Variants in SAMD11 observed in about 807,000 individuals in gnomAD.
The protein encoded by SAMD11 is sterile alpha motif domain-containing protein 11.
A neutral mutation model predicts 64.4 loss-of-function variants in SAMD11; 77 were observed. The observed-to-expected ratio is 1.20, with a 90% CI of 0.99 to 1.44. The LOEUF (loss-of-function observed/expected upper bound fraction) is 1.44, where lower values mean the gene tolerates loss of function less well. SAMD11 is among the 40% of genes most tolerant of loss of function. SAMD11 has a pLI of 0.00. For synonymous variants in SAMD11, 658 were observed against 421.9 expected (o/e 1.56, Z -6.86); for missense variants, 1,402 against 943.3 (o/e 1.49, Z -6.37).
At chr1:933,179 G>A (rs1026792346) in intron 4 of SAMD11, among the ~76,000 whole-genome samples, 5 of 152,246 alleles carry the variant, frequency 3.3e-5, no homozygotes, top group African/African-American at 1.2e-4. Context: ...AGGACCATGC[G>A]CTGATGTGCC....
intron 2 of SAMD11, among the ~76,000 whole-genome samples, chr1:928,114 C>T (rs1640980153): frequency 6.6e-6 from 1 of 152,192 alleles, no homozygotes; most frequent in Non-Finnish European, 1.5e-5. Context: ...AGGTGGGAGG[C>T]CGGGTGTGGT....
intron 9 of SAMD11, 41 bp from the exon 10 acceptor site, chr1:942,369 C>G: frequency 8.0e-7 from 1 of 1,256,522 alleles, no homozygotes; most frequent in South Asian, 1.5e-5. Context: ...GCTCGGACCG[C>G]CTCGGACCCC....
chr1:934,132 TG>T (rs1473928582), intron 4 of SAMD11, among the ~76,000 whole-genome samples: 29 of 188 alleles, frequency 0.15, 12 homozygotes, highest in South Asian at 1. Context: ...GGGAGGCGGC[TG>T]CGTTACAGGT....
intron 4 of SAMD11, 41 bp downstream of exon 4, chr1:931,130 T>TCCCC (rs1193873993): frequency 1.5e-6 from 2 of 1,323,912 alleles, no homozygotes; most frequent in Non-Finnish European, 2.1e-6. Context: ...GGGCCGTGAC[T>TCCCC]CCCCTCCCTC....
rs933514781 is a variant in SAMD11 at position 940,994 on chromosome 1, C to T, written c.1196-150C>T. 7.9e-5 allele frequency: 47 copies of T among 593,126 alleles called. No individual in the cohort carries two copies. In the Admixed American group the frequency reaches 9.9e-4, roughly 13 times the overall value. 36.7% of individuals were successfully genotyped at this position (593,126 alleles called of 1,614,324 possible). ...CCGTCTCGGCCCTGTGGCCGCCCAT[C>T]CTCCTGCCCCGTGCCCGAGACCAGC... On this transcript the variant is annotated intron_variant, in intron 7 of 13. Coordinates refer to ENST00000616016, the MANE Select transcript of SAMD11 (RefSeq NM_001385641.1).
rs1459040317 is a variant in SAMD11 at position 943,065 on chromosome 1, A to G, written c.2053+7A>G. The G allele has an allele frequency of 6.5e-7, 1 of 1,534,552 alleles. No individual in the cohort carries two copies. Among genetic ancestry groups the G allele is most frequent in the Non-Finnish European group, 8.8e-7 (1 of 1,141,552 alleles). ...AGCCCCTACTTCCACACAGGTGGGC[A>G]CCCCCACACTCTAGATCCTTCCAGA... On this transcript the variant is annotated splice_region_variant and intron_variant, in intron 11 of 13. Coordinates refer to ENST00000616016, the MANE Select transcript of SAMD11 (RefSeq NM_001385641.1).
At chr1:930,101 C>T (rs1641100054) in intron 2 of SAMD11, 54 bp from the exon 3 acceptor site, 4 of 1,515,590 alleles carry the variant, frequency 2.6e-6, no homozygotes, top group East Asian at 2.5e-5. Flanking sequence ...TCCTCTCCTC[C>T]TGCCCCACCT....
At chr1:936,985 T>G (rs1048205418) in intron 5 of SAMD11, among the ~76,000 whole-genome samples, 79 of 151,952 alleles carry the variant, frequency 5.2e-4, no homozygotes, top group Non-Finnish European at 9.3e-4. Flanking sequence ...TCCTGTGGGG[T>G]GCACGTGATG....
chr1:925,992 C>T lies in SAMD11; in HGVS notation c.588C>T (p.Gly196=). Residue 196 remains glycine, a synonymous_variant, in exon 2 of 14, where the codon GGC becomes GGT. Coordinates refer to ENST00000616016, the MANE Select transcript of SAMD11 (RefSeq NM_001385641.1). ...QVHPPICDCP[G]CRISSPVNRG... ...ATCCTCCGATCTGCGACTGCCCGGG[C>T]TGCCGAATATCCTCCCCGGTGGTGA... is the stretch of plus-strand genomic sequence containing the variant. 6.2e-7 allele frequency: 1 copy of T among 1,612,032 alleles called. No homozygotes were observed. The highest frequency in any genetic ancestry group is 8.5e-7 in the Non-Finnish European group (1 of 1,179,934).
intron 4 of SAMD11, among the ~76,000 whole-genome samples, 197 bp downstream of exon 4, chr1:931,286 T>A (rs1486035977): frequency 1.3e-5 from 2 of 152,194 alleles, no homozygotes; most frequent in Admixed American, 1.3e-4. Flanking sequence ...TTGCACCCAG[T>A]TGGGACTGAG....
chr1:930,217 G>A lies in SAMD11; in HGVS notation c.672G>A (p.Lys224=). 3 of 1,584,882 alleles carry A rather than the reference G, an allele frequency of 1.9e-6. No individual in the cohort carries two copies. The highest frequency in any genetic ancestry group is 2.6e-6 in the Non-Finnish European group (3 of 1,165,826). ...VALPAARNLK[K]ERTPSFSASD... Reference sequence around the variant, plus strand: ...TGCCTGCCGCCCGGAACCTGAAGAAGGAGCGAACTCCCAGCTTCTCTGCCA... The same window carrying A: ...TGCCTGCCGCCCGGAACCTGAAGAAAGAGCGAACTCCCAGCTTCTCTGCCA... Residue 224 remains lysine, a synonymous_variant, in exon 3 of 14, where the codon AAG becomes AAA. Transcript: ENST00000616016.
intron 7 of SAMD11, among the ~76,000 whole-genome samples, chr1:939,659 T>G (rs1641644143): frequency 6.6e-6 from 1 of 151,960 alleles, no homozygotes; most frequent in African/African-American, 2.4e-5. Context: ...TAGCTCACAT[T>G]TTATATAGAG....
intron 1 of SAMD11, among the ~76,000 whole-genome samples, chr1:925,472 G>A (rs1640836856): frequency 6.6e-6 from 1 of 151,896 alleles, no homozygotes; most frequent in African/African-American, 2.4e-5. Flanking sequence ...GGACACAGGG[G>A]GTGCGGTGAG....
intron 2 of SAMD11, 130 bp from the exon 3 acceptor site, chr1:930,025 C>T: frequency 1.8e-6 from 2 of 1,116,020 alleles, no homozygotes; most frequent in Non-Finnish European, 2.5e-6. Flanking sequence ...GTGCTTGGGG[C>T]TCGGCCTGGG....
At position 924,661 on chromosome 1, in the gene SAMD11, A is replaced by C. The variant is rs1569854060; in HGVS notation, c.230A>C (p.His77Pro). 2 of 151,582 alleles carry C rather than the reference A, an allele frequency of 1.3e-5. No homozygotes were observed. 9.4% of individuals were successfully genotyped at this position (151,582 alleles called of 1,614,324 possible). A position where few individuals can be genotyped will look rare whatever the true frequency, so the allele number is the denominator to read the frequency against. Residue 77 changes from histidine to proline, a missense_variant, in exon 1 of 14, where the codon CAC becomes CCC. By Grantham distance (77) the His-to-Pro change is moderately conservative. Transcript: ENST00000616016. ...CCCCCGCGCGCCTACCTCAGCCTGC[A>C]CGAGGCCGCCCCGCACCTCCACCTG... ...LRPPRAYLSL[H>P]EAAPHLHLPR...
Position 943,894 on chromosome 1 carries a change from C to A in SAMD11, c.2290-14C>A. The A allele has an allele frequency of 6.2e-7, 1 of 1,612,972 alleles. No homozygotes were observed. Among genetic ancestry groups the A allele is most frequent in the Non-Finnish European group, 8.5e-7 (1 of 1,179,980 alleles). On this transcript the variant is annotated splice_polypyrimidine_tract_variant and intron_variant, in intron 13 of 13. Transcript: ENST00000616016. ...TGGGTGTGCGACAGCCCCCACCAGG[C>A]CATCTCTCTGCAGGTGGCCAGGCGC...
At position 942,866 on chromosome 1, in the gene SAMD11, C is replaced by T; in HGVS notation, c.1861C>T (p.Gln621Ter). ...KEMTGARLWA[Q>*]DGSEDEPPKD... ...GATGACGGGGGCTAGGCTCTGGGCA[C>T]AAGATGGCTCGGAAGACGAGCCCCC... is the stretch of plus-strand genomic sequence containing the variant. The change falls in exon 11 of 14, where the codon CAA becomes TAA. Residue 621 changes from glutamine to a stop codon, truncating the protein, a stop_gained. Coordinates refer to ENST00000616016, the MANE Select transcript of SAMD11 (RefSeq NM_001385641.1). LOFTEE classifies it high-confidence loss of function. 1.3e-6 allele frequency: 2 copies of T among 1,553,640 alleles called. No individual in the cohort carries two copies. The highest frequency in any genetic ancestry group is 1.4e-5 in the African/African-American group (1 of 73,582).
rs1309689674 is a variant in SAMD11 at position 942,731 on chromosome 1, C to A, written c.1726C>A (p.Gln576Lys). The A allele has an allele frequency of 2.0e-6, 3 of 1,472,964 alleles. No individual in the cohort carries two copies. The highest frequency in any genetic ancestry group is 2.7e-6 in the Non-Finnish European group (3 of 1,121,726). The allele number at this position is 1,472,964 out of a possible 1,614,324, so 91.2% of individuals were successfully genotyped here. A position where few individuals can be genotyped will look rare whatever the true frequency, so the allele number is the denominator to read the frequency against. Reference sequence around the variant, plus strand: ...GGCGCCACTGCTGGCCCTGCCCCCCCAGGGGCCCCCGGGCTCCGGACCCCC... The same window carrying A: ...GGCGCCACTGCTGGCCCTGCCCCCCAAGGGGCCCCCGGGCTCCGGACCCCC... The part of the protein sequence containing the change: ...GAAPLLALPP[Q>K]GPPGSGPPTP... Residue 576 changes from glutamine to lysine, a missense_variant, in exon 11 of 14, where the codon CAG becomes AAG. Transcript: ENST00000616016.
chr1:944,051 T>G lies in SAMD11; in HGVS notation c.2433T>G (p.Tyr811Ter), dbSNP rs139717535. ...CCCCCACGACGGCCACGTCCCCCTATGGAGGGGGCCACGCCCTTGCCGGTC... is the reference window on the plus strand; with the variant it reads ...CCCCCACGACGGCCACGTCCCCCTAGGGAGGGGGCCACGCCCTTGCCGGTC... ...PLSPTTATSP[Y>*]GGGHALAGQT... Residue 811 changes from tyrosine to a stop codon, truncating the protein, a stop_gained, in exon 14 of 14, where the codon TAT (tyrosine) becomes TAG (stop). Coordinates refer to ENST00000616016, the MANE Select transcript of SAMD11 (RefSeq NM_001385641.1). LOFTEE classifies it high-confidence loss of function. 4 of 1,612,676 alleles carry G rather than the reference T, an allele frequency of 2.5e-6. No individual in the cohort carries two copies. The highest frequency in any genetic ancestry group is 3.4e-6 in the Non-Finnish European group (4 of 1,179,938).
Sources: gnomAD v4.1 joint callset for allele counts (sites outside exome capture counted in the v4.1 genomes callset) on GRCh38, gnomAD v4.1.1 for gene constraint, MANE v1.5 for transcripts, NCBI Gene and HGNC (gene_info 2026-07-23, HGNC 2026-07-21) for gene names.